Variants in CFAP96 observed in about 807,000 individuals in gnomAD.
The protein encoded by CFAP96 is cilia-and flagella-associated protein 96.
chr4:185,436,831 T>A, the CFAP96 span, among the ~76,000 whole-genome samples: 1 of 152,106 alleles, frequency 6.6e-6, no homozygotes, highest in African/African-American at 2.4e-5. Flanking sequence ...GTGATAATTT[T>A]ACCCTTTTAT....
chr4:185,430,116 A>G, the CFAP96 span, among the ~76,000 whole-genome samples: 1 of 152,238 alleles, frequency 6.6e-6, no homozygotes, highest in South Asian at 2.1e-4. Flanking sequence ...ACACTCCCCT[A>G]TGCAAACAGC....
the CFAP96 span, chr4:185,425,766 C>T: frequency 2.0e-6 from 3 of 1,531,884 alleles, no homozygotes; most frequent in Non-Finnish European, 2.7e-6. Context: ...TCTTGGACCC[C>T]GGCAGGACCA....
At chr4:185,442,076 G>C in the CFAP96 span, among the ~76,000 whole-genome samples, 9 of 151,820 alleles carry the variant, frequency 5.9e-5, no homozygotes, top group Admixed American at 5.9e-4. Flanking sequence ...CATTCCATTT[G>C]ACTCATCTAT....
the CFAP96 span, chr4:185,429,427 G>A: frequency 6.5e-7 from 1 of 1,535,398 alleles, no homozygotes. Flanking sequence ...TGCGGAAGGA[G>A]GAAAAACGGA....
the CFAP96 span, among the ~76,000 whole-genome samples, chr4:185,429,712 A>C: frequency 3.3e-5 from 5 of 152,222 alleles, no homozygotes; most frequent in Admixed American, 2.6e-4. Context: ...TTTGTTACCC[A>C]GGCTGGAGTG....
At chr4:185,439,478 T>C in the CFAP96 span, among the ~76,000 whole-genome samples, 1 of 152,176 alleles carries the variant, frequency 6.6e-6, no homozygotes. Context: ...TTAGATTTCA[T>C]TTATCAAGTG....
At chr4:185,415,655 G>A in the CFAP96 span, 9 of 1,481,456 alleles carry the variant, frequency 6.1e-6, no homozygotes, top group East Asian at 1.4e-4. Flanking sequence ...TACAAACATG[G>A]GTTTGGGGAA....
the CFAP96 span, among the ~76,000 whole-genome samples, chr4:185,419,141 T>C: frequency 4.0e-5 from 6 of 151,218 alleles, no homozygotes; most frequent in Admixed American, 3.9e-4. Flanking sequence ...CATCTTTTCT[T>C]TTTTTTTTGA....
the CFAP96 span, chr4:185,445,144 A>G: frequency 6.5e-7 from 1 of 1,545,242 alleles, no homozygotes; most frequent in Non-Finnish European, 8.7e-7. Context: ...GGAATATCTT[A>G]CACTTAGCTT....
At chr4:185,429,605 T>C in the CFAP96 span, 1 of 740,398 alleles carries the variant, frequency 1.4e-6, no homozygotes, top group Non-Finnish European at 2.2e-6. Flanking sequence ...TTTTTAATGG[T>C]TTATATTTTA....
At chr4:185,418,677 G>C in the CFAP96 span, 1 of 1,613,990 alleles carries the variant, frequency 6.2e-7, no homozygotes, top group Non-Finnish European at 8.5e-7. Flanking sequence ...TATATACACT[G>C]AACTGTGGCA....
At chr4:185,434,835 T>C in the CFAP96 span, among the ~76,000 whole-genome samples, 2 of 152,044 alleles carry the variant, frequency 1.3e-5, no homozygotes, top group Non-Finnish European at 2.9e-5. Context: ...GCCTCCCAGG[T>C]TCAAGCGAGA....
At chr4:185,413,105 G>A in the CFAP96 span, among the ~76,000 whole-genome samples, 1 of 152,270 alleles carries the variant, frequency 6.6e-6, no homozygotes, top group African/African-American at 2.4e-5. Context: ...AGGAGTTCAC[G>A]ACCAGCCTGG....
At chr4:185,445,238 A>G in the CFAP96 span, 64 of 1,017,810 alleles carry the variant, frequency 6.3e-5, no homozygotes, top group Non-Finnish European at 7.9e-5. Context: ...TAAATGACAA[A>G]TGTGGGTGAC....
At chr4:185,440,455 ATATTAAAATG>A in the CFAP96 span, 1 of 816,002 alleles carries the variant, frequency 1.2e-6, no homozygotes, top group Non-Finnish European at 1.9e-6. Flanking sequence ...AATCATATTT[ATATTAAAATG>A]TAAAAGATTT....
At chr4:185,419,577 T>C in the CFAP96 span, among the ~76,000 whole-genome samples, 1 of 152,234 alleles carries the variant, frequency 6.6e-6, no homozygotes, top group East Asian at 1.9e-4. Flanking sequence ...CTTTGCAAAA[T>C]GAAAAGAATT....
the CFAP96 span, among the ~76,000 whole-genome samples, chr4:185,409,833 A>C: frequency 6.6e-6 from 1 of 152,272 alleles, no homozygotes; most frequent in East Asian, 1.9e-4. Flanking sequence ...ATAGGAGGAG[A>C]AGGTAATGTG....
chr4:185,423,488 G>A, the CFAP96 span, among the ~76,000 whole-genome samples: 1 of 152,122 alleles, frequency 6.6e-6, no homozygotes, highest in Non-Finnish European at 1.5e-5. Flanking sequence ...CTCAGACTTA[G>A]TCTAAGAAAA....
At chr4:185,430,538 A>G in the CFAP96 span, among the ~76,000 whole-genome samples, 109 of 152,362 alleles carry the variant, frequency 7.2e-4, no homozygotes, top group African/African-American at 2.5e-3. Context: ...GTGGCCAAGT[A>G]TAGGAGAAGA....
Sources: gnomAD v4.1 joint callset for allele counts (sites outside exome capture counted in the v4.1 genomes callset) on GRCh38, gnomAD v4.1.1 for gene constraint, MANE v1.5 for transcripts, NCBI Gene and HGNC (gene_info 2026-07-23, HGNC 2026-07-21) for gene names.